TF: variants seen among roughly 807,000 people sequenced by gnomAD.
TF encodes serotransferrin.
A neutral mutation model predicts 82.4 loss-of-function variants in TF; 55 were observed. The ratio of observed to expected loss-of-function variants is 0.67; its 90% CI spans 0.54 to 0.84. TF has a LOEUF of 0.84. Ranked by LOEUF, TF falls within the 40% of genes least tolerant of loss-of-function variation. TF has a pLI of 0.00. For missense variants in TF, 737 were observed against 868.4 expected (o/e 0.85, Z 1.90); for synonymous variants, 332 against 332.6 (o/e 1.00, Z 0.02).
the TF span, among the ~76,000 whole-genome samples, chr3:133,685,668 A>G: frequency 2.6e-5 from 4 of 151,950 alleles, no homozygotes; most frequent in African/African-American, 4.8e-5. Flanking sequence ...CCTCTTCAAG[A>G]ACTACAAACC....
chr3:133,690,819 C>T, the TF span, among the ~76,000 whole-genome samples: 46 of 152,256 alleles, frequency 3.0e-4, no homozygotes, highest in East Asian at 6.4e-3. Flanking sequence ...CTGGAGCCCA[C>T]GGGACGGACT....
chr3:133,766,220 A>G lies in TF; in HGVS notation c.1331-58A>G, dbSNP rs140137866. ...TTCCCTAGGGAAATTGATTGGAAGC[A>G]GACACTCTGGAAGCCCCAGAGGTGT... is the stretch of plus-strand genomic sequence containing the variant. On this transcript the variant is annotated intron_variant, in intron 11 of 16. Coordinates refer to ENST00000402696, the MANE Select transcript of TF (RefSeq NM_001063.4). 60 of 1,548,556 alleles carry G rather than the reference A, an allele frequency of 3.9e-5. No individual in the cohort carries two copies. The African/African-American group carries it at 6.2e-4, about 16-fold the overall frequency.
At chr3:133,737,228 C>G in the TF span, among the ~76,000 whole-genome samples, 1 of 152,002 alleles carries the variant, frequency 6.6e-6, no homozygotes, top group Admixed American at 6.5e-5. Flanking sequence ...GGGTAAATAA[C>G]GAAATTAAGG....
rs929990302 is a variant in TF, at chr3:133,754,405, G to C, written c.326-90G>C. 2.2e-6 allele frequency: 3 copies of C among 1,376,486 alleles called. No homozygotes were observed. The South Asian group carries it at 3.5e-5, about 16-fold the overall frequency. 85.3% of individuals were successfully genotyped at this position (1,376,486 alleles called of 1,614,324 possible). On this transcript the variant is annotated intron_variant, in intron 3 of 16. Coordinates refer to ENST00000402696, the MANE Select transcript of TF (RefSeq NM_001063.4). The stretch of plus-strand genomic sequence containing the variant: ...AGTCCAGTAAAAGCATGGCCTCTCC[G>C]CTCCCCTCCCTCCTCAAGAGTCCGG...
intron 12 of TF, among the ~76,000 whole-genome samples, 174 bp from the exon 13 acceptor site, chr3:133,767,854 CA>C (rs1247129538): frequency 6.6e-6 from 1 of 152,238 alleles, no homozygotes; most frequent in African/African-American, 2.4e-5. Flanking sequence ...TTCCCAATCT[CA>C]ATAGGTTCCC....
chr3:133,725,916 A>T, the TF span, among the ~76,000 whole-genome samples: 1 of 152,178 alleles, frequency 6.6e-6, no homozygotes, highest in African/African-American at 2.4e-5. Context: ...TGAGATAATC[A>T]TGTGGTTTTT....
In TF at chr3:133,790,251, T is replaced by C. The variant is rs1934798715; in HGVS notation, c.*11631T>C. On this transcript the variant is annotated 3_prime_UTR_variant, in exon 17 of 17. Coordinates refer to ENST00000402696, the MANE Select transcript of TF (RefSeq NM_001063.4). ...GATATGGGGAAATATGTTTCTAAAA[T>C]TGTGGAATTGTTCTTAACTATAAAT... The C allele has an allele frequency of 6.6e-6, 1 of 152,216 alleles. No individual in the cohort carries two copies. The highest frequency in any genetic ancestry group is 2.4e-5 in the African/African-American group (1 of 41,462). 9.4% of individuals were successfully genotyped at this position (152,216 alleles called of 1,614,324 possible). A position where few individuals can be genotyped will look rare whatever the true frequency, so the allele number is the denominator to read the frequency against.
chr3:133,752,951 C>A (rs1356814596), intron 2 of TF, among the ~76,000 whole-genome samples: 2 of 152,022 alleles, frequency 1.3e-5, no homozygotes. Flanking sequence ...GTGCCCAATC[C>A]CTCAGCAAAA....
At chr3:133,736,631 C>CAAAAAAGAAAAGAAAA in the TF span, among the ~76,000 whole-genome samples, 384 of 32,552 alleles carry the variant, frequency 0.012, 5 homozygotes, top group Admixed American at 0.025. Flanking sequence ...AATGGAAAGC[C>CAAAAAAGAAAAGAAAA]AAAAAAAAAA....
chr3:133,732,597 C>T, the TF span, among the ~76,000 whole-genome samples: 1 of 152,178 alleles, frequency 6.6e-6, no homozygotes, highest in African/African-American at 2.4e-5. Flanking sequence ...CTGTTTGGGT[C>T]CACACTACCT....
At position 133,764,773 on chromosome 3, in the gene TF, C is replaced by G; in HGVS notation, c.1298-102C>G. 2.5e-6 allele frequency: 3 copies of G among 1,180,154 alleles called. No individual in the cohort carries two copies. The Admixed American group carries it at 5.7e-5, about 22-fold the overall frequency. The allele number at this position is 1,180,154 out of a possible 1,614,324, so 73.1% of individuals were successfully genotyped here. On this transcript the variant is annotated intron_variant, in intron 10 of 16. Coordinates refer to ENST00000402696, the MANE Select transcript of TF (RefSeq NM_001063.4). ...ATTGATGACATGTATAGATAATTTT[C>G]TCTGACTTTCTTTATTCTTAGCTGC...
chr3:133,686,347 T>A, the TF span, among the ~76,000 whole-genome samples: 2 of 152,208 alleles, frequency 1.3e-5, no homozygotes, highest in Admixed American at 1.3e-4. Context: ...CATTGACAAA[T>A]GGGATCTAAT....
chr3:133,729,378 CA>C, the TF span, among the ~76,000 whole-genome samples: 1 of 152,264 alleles, frequency 6.6e-6, no homozygotes, highest in South Asian at 2.1e-4. Flanking sequence ...GCCCCTCCCC[CA>C]GCCTCGCTGC....
chr3:133,795,779 T>A lies in TF; in HGVS notation c.*17159T>A, dbSNP rs1443989697. 5 of 152,146 alleles carry A rather than the reference T, an allele frequency of 3.3e-5. No individual in the cohort carries two copies. Among genetic ancestry groups the A allele is most frequent in the African/African-American group, 1.2e-4 (5 of 41,392 alleles). 9.4% of individuals were successfully genotyped at this position (152,146 alleles called of 1,614,324 possible). ...TTTTAGTGGAGACGGGGTTTCACCATGTTAGCCAGGATGGTCTCGATCTCC... is the reference window on the plus strand; with the variant it reads ...TTTTAGTGGAGACGGGGTTTCACCAAGTTAGCCAGGATGGTCTCGATCTCC... On this transcript the variant is annotated 3_prime_UTR_variant, in exon 17 of 17. Coordinates refer to ENST00000402696, the MANE Select transcript of TF (RefSeq NM_001063.4).
At position 133,768,123 on chromosome 3, in the gene TF, C is replaced by T; in HGVS notation, c.1581C>T (p.Pro527=). The stretch of plus-strand genomic sequence containing the variant: ...GCTCAGGCCTAAACCTGTGTGAACC[C>T]AACAACAAAGAGGGATACTACGGCT... ...CMGSGLNLCE[P]NNKEGYYGYT... is the part of the protein sequence containing the mutation. Residue 527 remains proline, a synonymous_variant, in exon 13 of 17, where the codon CCC becomes CCT. Coordinates refer to ENST00000402696, the MANE Select transcript of TF (RefSeq NM_001063.4). 6.2e-7 allele frequency: 1 copy of T among 1,614,020 alleles called. No homozygotes were observed. The highest frequency in any genetic ancestry group is 1.7e-5 in the Admixed American group (1 of 60,016).
upstream of TF, among the ~76,000 whole-genome samples, chr3:133,743,519 C>G (rs1321981224): frequency 2.6e-5 from 4 of 152,140 alleles, no homozygotes. Context: ...GATGTGTACA[C>G]TCTGGAACCA....
Position 133,754,472 on chromosome 3 carries a change from C to G in TF, c.326-23C>G, listed in dbSNP as rs8177219. On this transcript the variant is annotated intron_variant, in intron 3 of 16. Coordinates refer to ENST00000402696, the MANE Select transcript of TF (RefSeq NM_001063.4). ...TTCCCTGCACCAGGCTGAGGGCCTT[C>G]CATTCACACTGTGCCTTTGCAGATC... The G allele has an allele frequency of 1.8e-3, 2,831 of 1,613,620 alleles. 38 individuals carry two copies. The African/African-American group carries it at 0.033, about 19-fold the overall frequency.
chr3:133,720,851 C>A, the TF span, among the ~76,000 whole-genome samples: 1 of 151,828 alleles, frequency 6.6e-6, no homozygotes, highest in Non-Finnish European at 1.5e-5. Context: ...AGTAATTTAC[C>A]TATTTCTTCT....
chr3:133,758,531 G>C (rs1284873785), intron 8 of TF, among the ~76,000 whole-genome samples: 1 of 152,200 alleles, frequency 6.6e-6, no homozygotes, highest in East Asian at 1.9e-4. Flanking sequence ...GAATAGTCAT[G>C]CTATTGGATG....
Sources: allele counts gnomAD v4.1 joint callset (sites outside exome capture counted in the v4.1 genomes callset), GRCh38; gene constraint gnomAD v4.1.1; transcripts MANE v1.5; gene names NCBI Gene and HGNC (gene_info 2026-07-23, HGNC 2026-07-21).